Variants in CLTCL1 observed in about 807,000 individuals in gnomAD.
CLTCL1 encodes clathrin heavy chain 2.
CLTCL1 carries 159 observed loss-of-function variants against 190.0 expected under a neutral mutation model. The ratio of observed to expected loss-of-function variants is 0.84; its 90% CI spans 0.74 to 0.95. The LOEUF is 0.95. CLTCL1 is among the 40% of genes least tolerant of loss of function. The pLI is 0.00. For synonymous variants in CLTCL1, 752 were observed against 769.6 expected (o/e 0.98, Z 0.38); for missense variants, 1,878 against 2,033.4 (o/e 0.92, Z 1.47).
chr22:19,239,913 T>C (rs2086196904), intron 4 of CLTCL1, among the ~76,000 whole-genome samples: 2 of 151,722 alleles, frequency 1.3e-5, no homozygotes, highest in South Asian at 2.1e-4. Flanking sequence ...GTTCCTGACC[T>C]ATGCCAGTGC....
chr22:19,272,526 A>G (rs1320213719), intron 2 of CLTCL1, among the ~76,000 whole-genome samples: 2 of 152,162 alleles, frequency 1.3e-5, no homozygotes, highest in Non-Finnish European at 2.9e-5. Flanking sequence ...GCTAGAGTGC[A>G]ATAGCACGAT....
chr22:19,212,655 GAAAGAAAGA>G (rs1337151669), intron 19 of CLTCL1, among the ~76,000 whole-genome samples: 2 of 148,530 alleles, frequency 1.3e-5, no homozygotes, highest in African/African-American at 2.4e-5. Flanking sequence ...AAAAAAGAAA[GAAAGAAAGA>G]AAAGAAAGAA....
chr22:19,189,474 C>G (rs2084421474), intron 27 of CLTCL1, among the ~76,000 whole-genome samples: 1 of 152,368 alleles, frequency 6.6e-6, no homozygotes, highest in African/African-American at 2.4e-5. Context: ...ACAATGTTCA[C>G]AGCATCTGCC....
At chr22:19,216,015 G>T in intron 19 of CLTCL1, 96 bp downstream of exon 19, 1 of 1,230,734 alleles carries the variant, frequency 8.1e-7, no homozygotes. Context: ...GGGCAGGCTG[G>T]ATGGGTGAAG....
intron 31 of CLTCL1, 123 bp downstream of exon 31, chr22:19,180,598 GCCACTGGGAT>G (rs1270537971): frequency 3.7e-6 from 3 of 809,224 alleles, no homozygotes; most frequent in Non-Finnish European, 4.0e-6. Flanking sequence ...ACACCCAGTA[GCCACTGGGAT>G]CCTTCCAGCC....
intron 3 of CLTCL1, among the ~76,000 whole-genome samples, chr22:19,249,447 G>A (rs1308245869): frequency 1.3e-5 from 2 of 152,040 alleles, no homozygotes; most frequent in Non-Finnish European, 2.9e-5. Flanking sequence ...TTTTGATTCA[G>A]AGAAATATGT....
At chr22:19,291,232 G>T (rs1601762919) in intron 1 of CLTCL1, among the ~76,000 whole-genome samples, 1 of 152,350 alleles carries the variant, frequency 6.6e-6, no homozygotes, top group Non-Finnish European at 1.5e-5. Context: ...AATAAGGACC[G>T]CAGGACGCCA....
intron 4 of CLTCL1, 27 bp from the exon 5 acceptor site, chr22:19,239,415 A>G: frequency 6.4e-7 from 1 of 1,571,006 alleles, no homozygotes; most frequent in Non-Finnish European, 8.8e-7. Context: ...AGGTCAATCA[A>G]GGGGACCGCC....
In CLTCL1 at chr22:19,230,891, C is replaced by T. The variant is rs142566512; in HGVS notation, c.1645-916G>A. Among the ~76,000 whole-genome samples the T allele has an allele frequency of 3.3e-5, 5 of 152,192 alleles. No homozygotes were observed. In the East Asian group the frequency reaches 9.7e-4, roughly 29 times the overall value. ...AAGTAGAATGATCCACTCTCAATGT[C>T]GGGGAACACCATCTAATCGGCTGGG... On this transcript the variant is annotated intron_variant, in intron 10 of 32. Transcript: ENST00000427926.
In CLTCL1 at chr22:19,242,787, G is replaced by A. The variant is rs782618651; in HGVS notation, c.669C>T (p.Pro223=). Residue 223 remains proline (P), a synonymous_variant, in exon 4 of 33, where the codon CCC becomes CCT. Coordinates refer to ENST00000427926, the MANE Select transcript of CLTCL1 (RefSeq NM_007098.4). ...ATLFCFAVRN[P]TGGKLHIIEV... is the part of the protein sequence containing the mutation. ...GAGTGGATCTTACCTTGCCTCCTGT[G>A]GGATTACGTACAGCAAAGCAGAAAA... 1.2e-5 allele frequency: 20 copies of A among 1,613,796 alleles called. No homozygotes were observed. In the South Asian group the frequency reaches 2.1e-4, roughly 17 times the overall value.
At position 19,198,329 on chromosome 22, in the gene CLTCL1, C is replaced by T. The variant is rs1555937006; in HGVS notation, c.3873+1405G>A. 6.6e-6 allele frequency among the ~76,000 whole-genome samples: 1 copy of T among 152,200 alleles called. No homozygotes were observed. The highest frequency in any genetic ancestry group is 1.9e-4 in the East Asian group (1 of 5,196). ...CTGTCCCTTCTCGCCTAGACCACTGCAACAGCCTCCAGCTGCTCTTCTGGC... is the reference window on the plus strand; with the variant it reads ...CTGTCCCTTCTCGCCTAGACCACTGTAACAGCCTCCAGCTGCTCTTCTGGC... On this transcript the variant is annotated intron_variant, in intron 24 of 32. Coordinates refer to ENST00000427926, the MANE Select transcript of CLTCL1 (RefSeq NM_007098.4). This position sits in a 1 kb window ranked among gnomAD's most constrained non-coding sequence, Gnocchi z 4.1.
At chr22:19,235,943 G>A in intron 5 of CLTCL1, 74 bp from the exon 6 acceptor site, 1 of 1,265,124 alleles carries the variant, frequency 7.9e-7, no homozygotes, top group African/African-American at 1.5e-5. Context: ...GCTCACAAAT[G>A]ATAAAGAGGA....
At chr22:19,249,130 G>C (rs539428971) in intron 3 of CLTCL1, among the ~76,000 whole-genome samples, 4 of 152,096 alleles carry the variant, frequency 2.6e-5, no homozygotes, top group Non-Finnish European at 5.9e-5. Flanking sequence ...AGGCCGAAGC[G>C]GGCGGATTAC....
At chr22:19,200,796 C>G (rs782678893) in intron 23 of CLTCL1, among the ~76,000 whole-genome samples, 1 of 152,156 alleles carries the variant, frequency 6.6e-6, no homozygotes, top group Non-Finnish European at 1.5e-5. Context: ...GAGCCGAGAT[C>G]GTGTCACTGT....
intron 1 of CLTCL1, among the ~76,000 whole-genome samples, chr22:19,288,261 TG>T (rs2087980254): frequency 6.6e-6 from 1 of 152,220 alleles, no homozygotes; most frequent in Non-Finnish European, 1.5e-5. Flanking sequence ...ATTATTGTTC[TG>T]TTTTATTATT....
intron 16 of CLTCL1, 81 bp from the exon 17 acceptor site, chr22:19,221,692 T>A: frequency 7.9e-7 from 1 of 1,268,636 alleles, no homozygotes; most frequent in South Asian, 1.5e-5. Context: ...CTGACAGATG[T>A]TTCCTGAAAC....
rs1348345324 is a variant in CLTCL1, at chr22:19,225,470, G to A, written c.2111C>T (p.Ser704Phe). 2.5e-6 allele frequency: 4 copies of A among 1,584,060 alleles called. No homozygotes were observed. Among genetic ancestry groups the A allele is most frequent in the African/African-American group, 1.3e-5 (1 of 74,190 alleles). The change falls in exon 13 of 33, where the codon TCC becomes TTC. Residue 704 changes from serine to phenylalanine, a missense_variant. Ser to Phe is a radical substitution (Grantham distance 155). Coordinates refer to ENST00000427926, the MANE Select transcript of CLTCL1 (RefSeq NM_007098.4). ...GTQALVELFE[S>F]FKSYKGLFYF... Reference sequence around the variant, plus strand: ...TGGTTTACCTTTGTAACTCTTGAAGGATTCAAAGAGCTCCACCAGGGCCTG... The same window carrying A: ...TGGTTTACCTTTGTAACTCTTGAAGAATTCAAAGAGCTCCACCAGGGCCTG...
chr22:19,256,233 T>C (rs782591617), intron 2 of CLTCL1, among the ~76,000 whole-genome samples: 8 of 151,904 alleles, frequency 5.3e-5, no homozygotes, highest in Non-Finnish European at 1.0e-4. Context: ...TCATAGCTCA[T>C]TGCAACCTCA....
In CLTCL1 at chr22:19,196,461, C is replaced by G. The variant is rs1555935755; in HGVS notation, c.4041+28G>C. The G allele has an allele frequency of 5.0e-6, 8 of 1,613,924 alleles. No homozygotes were observed. In the South Asian group the frequency reaches 6.6e-5, roughly 13 times the overall value. ...CGGCTTGTGCTGCACGTGGCCACGG[C>G]TGCCAGACTGCAAGGAGTACACGGT... On this transcript the variant is annotated intron_variant, in intron 25 of 32. Transcript: ENST00000427926.
Sources: gnomAD v4.1 joint callset for allele counts (sites outside exome capture counted in the v4.1 genomes callset) on GRCh38, gnomAD v4.1.1 for gene constraint, Gnocchi (gnomAD v3.1) non-coding constraint, MANE v1.5 for transcripts, NCBI Gene and HGNC (gene_info 2026-07-23, HGNC 2026-07-21) for gene names.